ZFR: variants seen among roughly 807,000 people sequenced by gnomAD.
The protein encoded by ZFR is zinc finger RNA-binding protein.
Under a neutral mutation model 130.7 loss-of-function variants are expected in ZFR, and 19 were observed. The observed-to-expected ratio is 0.15, with a 90% CI of 0.10 to 0.21. The LOEUF is 0.21. Among genes scored for constraint, ZFR ranks in the 10% least tolerant of loss-of-function variants. The pLI is 1.00. For synonymous variants in ZFR, 466 were observed against 456.9 expected (o/e 1.02, Z -0.25); for missense variants, 872 against 1,321.5 (o/e 0.66, Z 5.27).
intron 5 of ZFR, among the ~76,000 whole-genome samples, chr5:32,413,963 T>C (rs2161602): frequency 0.95 from 145,243 of 152,262 alleles, 69,337 homozygotes; most frequent in African/African-American, 0.98. Context: ...TTCTCAGATG[T>C]TAATGTCTCC....
intron 15 of ZFR, among the ~76,000 whole-genome samples, chr5:32,380,799 C>T (rs557379303): frequency 1.3e-4 from 19 of 151,784 alleles, no homozygotes; most frequent in Admixed American, 2.6e-4. Flanking sequence ...CAGGTGTGCA[C>T]CACCACACCA....
In ZFR at chr5:32,379,194, A is replaced by G; in HGVS notation, c.2756T>C (p.Leu919Pro). Reference sequence around the variant, plus strand: ...GCGTATGATAATCACACAGGACTGCAGACCATTAGCTCTAGCCTTGAGAGC... The same window carrying G: ...GCGTATGATAATCACACAGGACTGCGGACCATTAGCTCTAGCCTTGAGAGC... ...AKWFQARANG[L>P]QSCVIIIRIL... Residue 919 changes from leucine to proline, a missense_variant, in exon 17 of 20, where the codon CTG becomes CCG. Around this residue, in one of 7 missense-constraint regions of ZFR, gnomAD observed 158 missense variants for 264.0 expected, o/e 0.60. Coordinates refer to ENST00000265069, the MANE Select transcript of ZFR (RefSeq NM_016107.5). 1 of 1,613,988 alleles carries G rather than the reference A, an allele frequency of 6.2e-7. No individual in the cohort carries two copies.
intron 17 of ZFR, among the ~76,000 whole-genome samples, chr5:32,367,073 T>C (rs1300949586): frequency 1.3e-5 from 2 of 151,962 alleles, no homozygotes; most frequent in Non-Finnish European, 2.9e-5. Flanking sequence ...ATTTGCTTTT[T>C]ATTTATTTTT....
intron 2 of ZFR, among the ~76,000 whole-genome samples, chr5:32,428,587 T>C (rs1754127793): frequency 6.6e-6 from 1 of 152,170 alleles, no homozygotes; most frequent in Non-Finnish European, 1.5e-5. Flanking sequence ...AAACAAACAA[T>C]TATAGTACGT....
intron 5 of ZFR, among the ~76,000 whole-genome samples, chr5:32,414,636 G>C (rs1445602569): frequency 1.3e-5 from 2 of 152,046 alleles, no homozygotes; most frequent in East Asian, 1.9e-4. Flanking sequence ...TATTAACCTT[G>C]AGTTTTCAAT....
At chr5:32,406,152 C>A (rs772335483) in intron 6 of ZFR, among the ~76,000 whole-genome samples, 3 of 152,106 alleles carry the variant, frequency 2.0e-5, no homozygotes, top group Non-Finnish European at 4.4e-5. Context: ...CATAATCACC[C>A]GTTTTAATGT....
At chr5:32,391,562 G>A (rs932167416) in intron 11 of ZFR, among the ~76,000 whole-genome samples, 3 of 133,364 alleles carry the variant, frequency 2.2e-5, no homozygotes, top group Non-Finnish European at 3.1e-5. Flanking sequence ...CCTCCCCTCT[G>A]CCCTCCCAGT....
At chr5:32,378,723 T>C (rs112535782) in intron 17 of ZFR, among the ~76,000 whole-genome samples, 7 of 152,084 alleles carry the variant, frequency 4.6e-5, no homozygotes, top group Admixed American at 1.3e-4. Context: ...TTGAATAATA[T>C]GTATTTCTGA....
At chr5:32,381,785 G>A (rs1752941794) in intron 15 of ZFR, among the ~76,000 whole-genome samples, 1 of 152,066 alleles carries the variant, frequency 6.6e-6, no homozygotes, top group South Asian at 2.1e-4. Flanking sequence ...ACATTTAGAG[G>A]AAAGACAGAT....
intron 17 of ZFR, among the ~76,000 whole-genome samples, chr5:32,371,997 A>C (rs1421118417): frequency 6.6e-6 from 1 of 152,236 alleles, no homozygotes; most frequent in Non-Finnish European, 1.5e-5. Flanking sequence ...CAAATCCTGC[A>C]AAGACAAAAG....
intron 2 of ZFR, among the ~76,000 whole-genome samples, chr5:32,421,891 AG>A (rs918877423): frequency 2.6e-5 from 4 of 152,184 alleles, no homozygotes; most frequent in Middle Eastern, 3.2e-3. Flanking sequence ...AACATTTTCT[AG>A]GAACAACTCC....
Position 32,388,636 on chromosome 5 carries a change from T to C in ZFR, c.2181A>G (p.Val727=). 1.9e-6 allele frequency: 3 copies of C among 1,614,008 alleles called. No homozygotes were observed. Among genetic ancestry groups the C allele is most frequent in the Non-Finnish European group, 2.5e-6 (3 of 1,179,920 alleles). Residue 727 remains valine (V), a synonymous_variant, in exon 13 of 20, where the codon GTA becomes GTG. Coordinates refer to ENST00000265069, the MANE Select transcript of ZFR (RefSeq NM_016107.5). The part of the protein sequence containing the change: ...RRPDSSDDRY[V]MTKHATIYPT... ...GATAAATGGTGGCATGTTTTGTCAT[T>C]ACATAACGGTCATCAGATGAGTCAG...
intron 2 of ZFR, among the ~76,000 whole-genome samples, chr5:32,428,329 G>C (rs689109): frequency 0.41 from 61,902 of 151,942 alleles, 12,840 homozygotes; most frequent in East Asian, 0.57. Context: ...CAGGAGAATC[G>C]CTTGAACCAA....
chr5:32,434,416 G>C (rs1754289427), intron 2 of ZFR, among the ~76,000 whole-genome samples: 1 of 152,176 alleles, frequency 6.6e-6, no homozygotes. Context: ...CTTCTCCTTT[G>C]CTGGTATGGG....
At chr5:32,421,038 A>T (rs1328424751) in intron 2 of ZFR, among the ~76,000 whole-genome samples, 1 of 152,244 alleles carries the variant, frequency 6.6e-6, no homozygotes, top group Non-Finnish European at 1.5e-5. Flanking sequence ...CAATCAAATG[A>T]ATTTCTAGCT....
At chr5:32,372,204 G>T (rs1752682723) in intron 17 of ZFR, among the ~76,000 whole-genome samples, 3 of 152,182 alleles carry the variant, frequency 2.0e-5, no homozygotes, top group African/African-American at 7.2e-5. Context: ...GGAAGGAAAA[G>T]AAGAGTTATC....
At chr5:32,388,789 T>A in intron 12 of ZFR, 115 bp from the exon 13 acceptor site, 1 of 1,003,022 alleles carries the variant, frequency 1.0e-6, no homozygotes. Context: ...CTTTATCTTC[T>A]TTTTTCCATT....
intron 2 of ZFR, among the ~76,000 whole-genome samples, chr5:32,420,899 G>A (rs1194797517): frequency 6.6e-6 from 1 of 152,076 alleles, no homozygotes. Flanking sequence ...CAGCTTACAG[G>A]GAGCATTTCA....
intron 19 of ZFR, among the ~76,000 whole-genome samples, chr5:32,360,791 T>TATG (rs1225213350): frequency 6.6e-6 from 1 of 152,170 alleles, no homozygotes; most frequent in Non-Finnish European, 1.5e-5. Flanking sequence ...GAGGTCTTGC[T>TATG]ATGTTGCTCA....
Sources: allele counts gnomAD v4.1 joint callset (sites outside exome capture counted in the v4.1 genomes callset), GRCh38; gene constraint gnomAD v4.1.1; regional missense constraint gnomAD v4.1.1; transcripts MANE v1.5; gene names NCBI Gene and HGNC (gene_info 2026-07-23, HGNC 2026-07-21).